The following WDR20 variants were observed in gnomAD, a reference collection of about 807,000 sequenced individuals.
WDR20 encodes the protein WD repeat-containing protein 20.
WDR20 carries 3 observed loss-of-function variants against 38.7 expected under a neutral mutation model. The observed-to-expected ratio is 0.08, with a 90% CI of 0.04 to 0.20. The LOEUF (loss-of-function observed/expected upper bound fraction) is 0.20. Ranked by LOEUF, WDR20 falls within the 10% of genes least tolerant of loss-of-function variation. The probability of loss-of-function intolerance (pLI) is 1.00; values close to 1 mark genes in which losing one functional copy is unlikely to be tolerated. For synonymous variants in WDR20, 298 were observed against 285.6 expected, an observed-to-expected ratio of 1.04 and a Z score of -0.44; for missense variants, 559 against 727.7, an observed-to-expected ratio of 0.77 and a Z score of 2.67.
intron 1 of WDR20, among the ~76,000 whole-genome samples, chr14:102,144,291 T>C (rs991730036): frequency 6.6e-6 from 1 of 152,206 alleles, no homozygotes; most frequent in South Asian, 2.1e-4. Context: ...GAGACCAGCC[T>C]GGCCAACATG....
chr14:102,211,867 G>A (rs956467998), downstream of WDR20, among the ~76,000 whole-genome samples: 3 of 152,238 alleles, frequency 2.0e-5, no homozygotes, highest in African/African-American at 7.2e-5. The surrounding 1 kb of genome is among the most constrained non-coding windows in gnomAD (Gnocchi z 4.2). Flanking sequence ...CCGATCCCAA[G>A]TAAGTAGCAT....
At chr14:102,191,067 T>G (rs1278570192) in intron 1 of WDR20, among the ~76,000 whole-genome samples, 2 of 151,798 alleles carry the variant, frequency 1.3e-5, no homozygotes, top group Non-Finnish European at 2.9e-5. Context: ...CTGGAATTAA[T>G]GAATAATGGT....
rs533792776 is a variant in WDR20, at chr14:102,173,207, G to A, written c.250-21731G>A. On this transcript the variant is annotated intron_variant, in intron 1 of 2. Coordinates refer to ENST00000342702, the MANE Select transcript of WDR20 (RefSeq NM_144574.4). The stretch of plus-strand genomic sequence containing the variant: ...AGCTCACTGCAACCTTCACCTCCTG[G>A]GTTCAAGTGATTCTTCTGCCTCAGC... 2.0e-5 allele frequency among the ~76,000 whole-genome samples: 3 copies of A among 148,634 alleles called. No individual in the cohort carries two copies. The South Asian group carries it at 6.3e-4, about 31-fold the overall frequency.
intron 2 of WDR20, among the ~76,000 whole-genome samples, chr14:102,206,885 C>A (rs1201697445): frequency 2.0e-5 from 3 of 151,778 alleles, no homozygotes; most frequent in Non-Finnish European, 2.9e-5. Context: ...CCTCCACCAT[C>A]AAAAAAAAGC....
intron 2 of WDR20, chr14:102,195,990 C>A (rs1021876385): frequency 2.6e-5 from 4 of 152,140 alleles, no homozygotes; most frequent in African/African-American, 9.7e-5. Flanking sequence ...TATGTGGGAC[C>A]CCCTCCCTTT....
intron 1 of WDR20, among the ~76,000 whole-genome samples, chr14:102,190,685 C>T (rs2066142565): frequency 6.6e-6 from 1 of 151,612 alleles, no homozygotes. Context: ...GGTACTTTTT[C>T]CTACATTGAC....
chr14:102,219,284 G>A (rs2063607118), downstream of WDR20, among the ~76,000 whole-genome samples: 1 of 152,242 alleles, frequency 6.6e-6, no homozygotes. Context: ...GTTCACCACG[G>A]CAAAGTGAGT....
chr14:102,173,326 C>G (rs1313296078), intron 1 of WDR20, among the ~76,000 whole-genome samples: 1 of 147,568 alleles, frequency 6.8e-6, no homozygotes, highest in East Asian at 1.9e-4. Flanking sequence ...GTTGCCCAGG[C>G]TGGTCTCAAA....
intron 1 of WDR20, among the ~76,000 whole-genome samples, chr14:102,177,824 T>C (rs989797833): frequency 6.6e-6 from 1 of 152,240 alleles, no homozygotes; most frequent in Non-Finnish European, 1.5e-5. Flanking sequence ...AAGCTTGTTC[T>C]ACACAAACTC....
intron 1 of WDR20, 135 bp from the exon 2 acceptor site, chr14:102,194,803 A>T: frequency 1.1e-6 from 1 of 934,694 alleles, no homozygotes; most frequent in Non-Finnish European, 1.6e-6. Context: ...GATGATGTTA[A>T]GTCACAACTG....
intron 1 of WDR20, among the ~76,000 whole-genome samples, chr14:102,156,370 G>A (rs1262332495): frequency 1.3e-5 from 2 of 150,968 alleles, no homozygotes; most frequent in Admixed American, 1.3e-4. Context: ...GGGTTTCGCC[G>A]TGTTAGCCAG....
intron 1 of WDR20, among the ~76,000 whole-genome samples, chr14:102,155,722 A>G (rs1278382055): frequency 6.6e-6 from 1 of 152,136 alleles, no homozygotes; most frequent in Non-Finnish European, 1.5e-5. Flanking sequence ...AGTTATGAAT[A>G]TAGACATCAC....
At chr14:102,217,869 G>A (rs957806158), downstream of WDR20, among the ~76,000 whole-genome samples, 4 of 152,216 alleles carry the variant, frequency 2.6e-5, no homozygotes, top group Non-Finnish European at 4.4e-5. Flanking sequence ...AAAAGGTGTC[G>A]CTTTGCAAAT....
chr14:102,162,212 A>G lies in WDR20; in HGVS notation c.249+22040A>G, dbSNP rs1293378996. ...TCTTTTCTCGAGACAAGCTCATAGG[A>G]GAACCGGTACAGCAGGGAATACAAC... On this transcript the variant is annotated intron_variant, in intron 1 of 2. Coordinates refer to ENST00000342702, the MANE Select transcript of WDR20 (RefSeq NM_144574.4). Among the ~76,000 whole-genome samples, 3 of 152,198 alleles carry G rather than the reference A, an allele frequency of 2.0e-5. No individual in the cohort carries two copies. In the South Asian group the frequency reaches 6.2e-4, roughly 31 times the overall value.
At chr14:102,224,036 G>GT (rs1184725386), downstream of WDR20, among the ~76,000 whole-genome samples, 147 of 139,498 alleles carry the variant, frequency 1.1e-3, no homozygotes, top group Middle Eastern at 7.8e-3. Flanking sequence ...GTTTACCTGA[G>GT]ATTTTTTTTT....
intron 1 of WDR20, among the ~76,000 whole-genome samples, chr14:102,154,546 G>C (rs997074133): frequency 1.3e-5 from 2 of 152,162 alleles, no homozygotes; most frequent in Non-Finnish European, 2.9e-5. Context: ...CAAACATTCA[G>C]ACCATAGCAC....
chr14:102,151,173 A>ATTTTTTTTTTTTTTTTTT (rs534503694), intron 1 of WDR20, among the ~76,000 whole-genome samples: 3 of 111,546 alleles, frequency 2.7e-5, no homozygotes, highest in Non-Finnish European at 5.2e-5. Context: ...CCATTGGGGA[A>ATTTTTTTTTTTTTTTTTT]TTTTTTTTTT....
At chr14:102,188,895 A>T (rs1298432735) in intron 1 of WDR20, among the ~76,000 whole-genome samples, 1 of 140,050 alleles carries the variant, frequency 7.1e-6, no homozygotes, top group African/African-American at 2.9e-5. Context: ...AAAAAAAAAA[A>T]TTCCAGAGAT....
rs1410815938 is a variant in WDR20 at position 102,200,468 on chromosome 14, TGTG to T, written c.432+5349_432+5351del. Among the ~76,000 whole-genome samples the T allele has an allele frequency of 6.5e-3, 282 of 43,090 alleles. 2 individuals are homozygous for T. Among genetic ancestry groups the T allele is most frequent in the Non-Finnish European group, 0.012 (247 of 20,548 alleles). The allele number at this position is 43,090 out of a possible 152,430, so 28.3% of individuals were successfully genotyped here. A position where few individuals can be genotyped will look rare whatever the true frequency, so the allele number is the denominator to read the frequency against. On this transcript the variant is annotated intron_variant, in intron 2 of 2. Transcript: ENST00000342702. ...AGTTTACTTTTTAAATTTTTTTTTTTGTGTGTGTGTGTGTGTGTGTGTGTGTGT... is the reference window on the plus strand; with the variant it reads ...AGTTTACTTTTTAAATTTTTTTTTTTTGTGTGTGTGTGTGTGTGTGTGTGT...
Sources: gnomAD v4.1 joint callset for allele counts (sites outside exome capture counted in the v4.1 genomes callset) on GRCh38, gnomAD v4.1.1 for gene constraint, Gnocchi (gnomAD v3.1) non-coding constraint, MANE v1.5 for transcripts, NCBI Gene and HGNC (gene_info 2026-07-23, HGNC 2026-07-21) for gene names.